The following LY6S variants were observed in gnomAD, a reference collection of about 807,000 sequenced individuals.
The protein encoded by LY6S is lymphocyte antigen 6S.
the LY6S span, among the ~76,000 whole-genome samples, chr8:143,075,442 G>A: frequency 3.3e-5 from 5 of 152,152 alleles, no homozygotes; most frequent in African/African-American, 1.2e-4. The surrounding 1 kb of genome is among the most constrained non-coding windows in gnomAD (Gnocchi z 4.1). Flanking sequence ...GGTGGCTCAC[G>A]CCTGTAATCC....
At chr8:143,070,489 A>ATTTTTTTTTTTTTTTTTTTTTTT in the LY6S span, among the ~76,000 whole-genome samples, 1 of 81,712 alleles carries the variant, frequency 1.2e-5, no homozygotes, top group Non-Finnish European at 2.0e-5. Context: ...ATATATATAT[A>ATTTTTTTTTTTTTTTTTTTTTTT]TTTTTTTTTT....
At chr8:143,063,941 G>A in the LY6S span, among the ~76,000 whole-genome samples, 1 of 152,204 alleles carries the variant, frequency 6.6e-6, no homozygotes, top group Non-Finnish European at 1.5e-5. Context: ...CAAGGAGCCA[G>A]CCTTTGGCCA....
At chr8:143,062,448 A>G in the LY6S span, among the ~76,000 whole-genome samples, 1 of 152,186 alleles carries the variant, frequency 6.6e-6, no homozygotes, top group Admixed American at 6.5e-5. Context: ...CGGGTGGATC[A>G]TGAGGTCAGG....
the LY6S span, among the ~76,000 whole-genome samples, chr8:143,071,195 A>AATATAGACTCAGGAG: frequency 7.7e-6 from 1 of 130,714 alleles, no homozygotes; most frequent in East Asian, 2.4e-4. Flanking sequence ...AAGACCCGGC[A>AATATAGACTCAGGAG]GCATGGATGT....
At chr8:143,048,798 G>A in the LY6S span, among the ~76,000 whole-genome samples, 2 of 152,262 alleles carry the variant, frequency 1.3e-5, no homozygotes, top group East Asian at 3.9e-4. Context: ...CACATTAAGA[G>A]TGCGCTGTCC....
chr8:143,041,234 T>C, the LY6S span, among the ~76,000 whole-genome samples: 1 of 152,188 alleles, frequency 6.6e-6, no homozygotes, highest in Non-Finnish European at 1.5e-5. Context: ...ATCCCTTATC[T>C]ACAACTGTAA....
chr8:143,057,941 G>A, the LY6S span: 26 of 554,984 alleles, frequency 4.7e-5, no homozygotes, highest in East Asian at 2.1e-4. Flanking sequence ...TGGTCTCAGC[G>A]TCGTCTCTGT....
chr8:143,063,796 C>T, the LY6S span, among the ~76,000 whole-genome samples: 26 of 152,304 alleles, frequency 1.7e-4, no homozygotes, highest in East Asian at 9.6e-4. Flanking sequence ...TCAGCCTGTC[C>T]GCTGTCAGCC....
chr8:143,055,325 G>A, the LY6S span, among the ~76,000 whole-genome samples: 1 of 152,130 alleles, frequency 6.6e-6, no homozygotes, highest in Admixed American at 6.5e-5. Flanking sequence ...AAGGACCAAG[G>A]ACAAAGTAAT....
the LY6S span, among the ~76,000 whole-genome samples, chr8:143,071,769 C>T: frequency 3.5e-4 from 54 of 152,284 alleles, 1 homozygote; most frequent in Admixed American, 1.5e-3. Flanking sequence ...TTCCCGTCTA[C>T]GCACGTGCCC....
the LY6S span, chr8:143,049,298 G>C: frequency 1.9e-6 from 1 of 534,596 alleles, no homozygotes; most frequent in South Asian, 1.4e-5. Context: ...CTTTCGGCTA[G>C]GTGAGCTAAA....
the LY6S span, among the ~76,000 whole-genome samples, chr8:143,062,573 C>G: frequency 2.6e-5 from 4 of 152,146 alleles, no homozygotes; most frequent in Admixed American, 1.3e-4. Context: ...ACTCGGGAAG[C>G]TAAGGCAGGA....
At chr8:143,050,013 C>G in the LY6S span, among the ~76,000 whole-genome samples, 1 of 152,152 alleles carries the variant, frequency 6.6e-6, no homozygotes, top group African/African-American at 2.4e-5. Flanking sequence ...GGGAGAAACA[C>G]CTCGTCCAGT....
chr8:143,057,242 T>C, the LY6S span: 1 of 225,300 alleles, frequency 4.4e-6, no homozygotes, highest in Non-Finnish European at 8.6e-6. Flanking sequence ...TTTTTTACTA[T>C]TATTATTATT....
chr8:143,055,504 C>T, the LY6S span, among the ~76,000 whole-genome samples: 1 of 152,088 alleles, frequency 6.6e-6, no homozygotes, highest in African/African-American at 2.4e-5. Context: ...TGTTTACTGT[C>T]ATTCTTTTAA....
chr8:143,057,588 C>T, the LY6S span: 11 of 1,293,564 alleles, frequency 8.5e-6, no homozygotes, highest in East Asian at 2.3e-5. Flanking sequence ...TTATCATCCT[C>T]ATGCTGAATG....
At chr8:143,041,702 A>T in the LY6S span, among the ~76,000 whole-genome samples, 1 of 152,178 alleles carries the variant, frequency 6.6e-6, no homozygotes, top group African/African-American at 2.4e-5. Flanking sequence ...GACAGGCATA[A>T]GAAATTATAA....
chr8:143,054,927 G>A, the LY6S span, among the ~76,000 whole-genome samples: 4 of 152,226 alleles, frequency 2.6e-5, no homozygotes. Flanking sequence ...CCTGGCTGCC[G>A]TAGTCCTGCA....
the LY6S span, chr8:143,057,410 C>T: frequency 5.9e-5 from 27 of 454,388 alleles, no homozygotes; most frequent in African/African-American, 1.0e-4. Flanking sequence ...CCACCATGCC[C>T]GGCTACATTT....
Sources: gnomAD v4.1 joint callset for allele counts (sites outside exome capture counted in the v4.1 genomes callset) on GRCh38, gnomAD v4.1.1 for gene constraint, Gnocchi (gnomAD v3.1) non-coding constraint, MANE v1.5 for transcripts, NCBI Gene and HGNC (gene_info 2026-07-23, HGNC 2026-07-21) for gene names.